PCDH11Y: variants seen among roughly 807,000 people sequenced by gnomAD.
The protein encoded by PCDH11Y is protocadherin 11 Y-linked.
For synonymous variants in PCDH11Y, 9 were observed against 83.6 expected (o/e 0.11, Z 4.87); for missense variants, 12 against 224.8 (o/e 0.05, Z 6.05).
intron 4 of PCDH11Y, among the ~76,000 whole-genome samples, chrY:5,730,141 T>A: frequency 3.0e-5 from 1 of 33,148 alleles, no homozygotes; most frequent in Non-Finnish European, 7.5e-5. Flanking sequence ...AGAACAGTTT[T>A]TTTTTTCAAA....
Position 5,526,172 on chromosome Y carries a change from C to T in PCDH11Y, c.3328+24917C>T, listed in dbSNP as rs2053387734. Among the ~76,000 whole-genome samples the T allele has an allele frequency of 8.5e-4, 28 of 32,978 alleles. No individual in the cohort carries two copies. The South Asian group carries it at 0.019, about 22-fold the overall frequency. The allele number at this position is 32,978 out of a possible 37,273, so 88.5% of individuals were successfully genotyped here. A position where few individuals can be genotyped will look rare whatever the true frequency, so the allele number is the denominator to read the frequency against. On this transcript the variant is annotated intron_variant, in intron 3 of 4. Coordinates refer to the PCDH11Y transcript ENST00000400457. Reference sequence around the variant, plus strand: ...TATGTTGCTTTATTTGTCTTGTTTTCTGTGAAGCACAGAGCCAAAATTGTG... The same window carrying T: ...TATGTTGCTTTATTTGTCTTGTTTTTTGTGAAGCACAGAGCCAAAATTGTG...
At position 5,454,738 on chromosome Y, in the gene PCDH11Y, G is replaced by A; in HGVS notation, c.3130-46319G>A. ...CTGAGGCCCTTAGAGCTGAGACTGG[G>A]AACAAAGCAACTGGGATGTGAGGAG... On this transcript the variant is annotated intron_variant, in intron 2 of 4. Coordinates refer to the PCDH11Y transcript ENST00000400457. 9.0e-5 allele frequency among the ~76,000 whole-genome samples: 3 copies of A among 33,368 alleles called. No homozygotes were observed. In the South Asian group the frequency reaches 2.0e-3, roughly 22 times the overall value. The allele number at this position is 33,368 out of a possible 37,273, so 89.5% of individuals were successfully genotyped here.
intron 4 of PCDH11Y, among the ~76,000 whole-genome samples, chrY:5,622,103 C>A (rs2053500945): frequency 3.2e-5 from 1 of 31,338 alleles, no homozygotes; most frequent in African/African-American, 1.2e-4. Flanking sequence ...CAAAAACTAT[C>A]ATCCGAGTGA....
intron 4 of PCDH11Y, among the ~76,000 whole-genome samples, chrY:5,694,678 C>G: frequency 3.2e-5 from 1 of 31,444 alleles, no homozygotes; most frequent in Non-Finnish European, 7.8e-5. Context: ...TGTCTTTTAC[C>G]TTAGGCTACA....
intron 2 of PCDH11Y, among the ~76,000 whole-genome samples, chrY:5,235,916 A>C: frequency 3.0e-5 from 1 of 33,317 alleles, no homozygotes; most frequent in Non-Finnish European, 7.4e-5. Flanking sequence ...CTGCAACCTC[A>C]CCAACATGAT....
chrY:5,115,830 T>G, intron 2 of PCDH11Y, among the ~76,000 whole-genome samples: 1 of 22,016 alleles, frequency 4.5e-5, no homozygotes, highest in Non-Finnish European at 9.7e-5. Context: ...AAGCTCCGCC[T>G]CCCGGGTTCA....
At chrY:5,266,947 G>T (rs2053027313) in intron 2 of PCDH11Y, among the ~76,000 whole-genome samples, 1 of 32,680 alleles carries the variant, frequency 3.1e-5, no homozygotes, top group African/African-American at 1.2e-4. Flanking sequence ...GTGTCTTTCT[G>T]AAGATTTCTG....
chrY:5,231,399 G>A, intron 2 of PCDH11Y, among the ~76,000 whole-genome samples: 1 of 33,435 alleles, frequency 3.0e-5, no homozygotes, highest in South Asian at 6.8e-4. Context: ...ACGCATAGTG[G>A]TGCTGCCTTT....
At chrY:5,301,095 T>C (rs375914232) in intron 2 of PCDH11Y, among the ~76,000 whole-genome samples, 275 of 33,735 alleles carry the variant, frequency 8.2e-3, no homozygotes, top group South Asian at 0.035. Flanking sequence ...ACTTTGATGC[T>C]CACAATGTAG....
intron 2 of PCDH11Y, among the ~76,000 whole-genome samples, chrY:5,391,227 A>G: frequency 3.2e-5 from 1 of 31,145 alleles, no homozygotes; most frequent in Non-Finnish European, 7.7e-5. Flanking sequence ...AATAGTTCCT[A>G]ATATTATTCA....
At chrY:5,351,040 A>G (rs2053158042) in intron 2 of PCDH11Y, among the ~76,000 whole-genome samples, 1 of 31,124 alleles carries the variant, frequency 3.2e-5, no homozygotes. Flanking sequence ...AAAAATACAA[A>G]ATTAGCGGGT....
At chrY:5,641,877 T>C in intron 4 of PCDH11Y, among the ~76,000 whole-genome samples, 1 of 33,906 alleles carries the variant, frequency 2.9e-5, no homozygotes, top group Non-Finnish European at 7.3e-5. Flanking sequence ...GTTATATTAT[T>C]GTGTTTACAA....
chrY:5,559,059 T>C, intron 3 of PCDH11Y, among the ~76,000 whole-genome samples: 1 of 33,050 alleles, frequency 3.0e-5, no homozygotes, highest in Non-Finnish European at 7.5e-5. Context: ...AGATTTGTAA[T>C]GAAAAAGCAA....
At chrY:5,580,692 T>C in intron 3 of PCDH11Y, among the ~76,000 whole-genome samples, 1 of 32,882 alleles carries the variant, frequency 3.0e-5, no homozygotes, top group African/African-American at 1.2e-4. Flanking sequence ...GAGAAATAAA[T>C]GTGCTGTTTG....
At chrY:5,308,434 G>A in intron 2 of PCDH11Y, among the ~76,000 whole-genome samples, 3 of 33,104 alleles carry the variant, frequency 9.1e-5, no homozygotes, top group Non-Finnish European at 1.5e-4. Flanking sequence ...AGGCTGAGGC[G>A]GGGGATCATG....
intron 2 of PCDH11Y, among the ~76,000 whole-genome samples, chrY:5,355,568 A>T: frequency 3.5e-5 from 1 of 28,228 alleles, no homozygotes; most frequent in Non-Finnish European, 8.6e-5. Context: ...GGAAATATGT[A>T]AAAAAAAAAA....
At chrY:5,001,297 G>C in intron 1 of PCDH11Y, among the ~76,000 whole-genome samples, 1 of 34,141 alleles carries the variant, frequency 2.9e-5, no homozygotes, top group African/African-American at 1.1e-4. Context: ...GTAGGTGTGA[G>C]AAATACTGCC....
At chrY:5,486,708 C>CAT (rs2053332612) in intron 2 of PCDH11Y, among the ~76,000 whole-genome samples, 5 of 5,098 alleles carry the variant, frequency 9.8e-4, no homozygotes, top group Non-Finnish European at 1.2e-3. Flanking sequence ...TATATATACA[C>CAT]ATATATATAT....
chrY:5,020,646 A>G (rs2052568421), intron 1 of PCDH11Y, among the ~76,000 whole-genome samples: 15 of 33,804 alleles, frequency 4.4e-4, no homozygotes, highest in Non-Finnish European at 2.9e-4. Context: ...TGTATTATTC[A>G]GAGTAGAACT....
Sources: gnomAD v4.1 joint callset for allele counts (sites outside exome capture counted in the v4.1 genomes callset) on GRCh38, gnomAD v4.1.1 for gene constraint, MANE v1.5 for transcripts, NCBI Gene and HGNC (gene_info 2026-07-23, HGNC 2026-07-21) for gene names.